Variants in ASCC1 observed in about 807,000 individuals in gnomAD.
ASCC1 encodes ASC-1 complex subunit P50.
Under a neutral mutation model 46.6 loss-of-function variants are expected in ASCC1, and 35 were observed. The observed-to-expected ratio is 0.75, with a 90% CI of 0.57 to 0.99. The LOEUF is 0.99. ASCC1 is among the 50% of genes least tolerant of loss of function. The probability of loss-of-function intolerance (pLI) is 0.00; values close to 1 mark genes in which losing one functional copy is unlikely to be tolerated. For missense variants in ASCC1, 376 were observed against 428.7 expected (o/e 0.88, Z 1.09); for synonymous variants, 143 against 146.6 (o/e 0.98, Z 0.18).
At chr10:72,102,388 CTCTGAGAA>C in intron 9 of ASCC1, 1 of 1,550,012 alleles carries the variant, frequency 6.5e-7, no homozygotes, top group Non-Finnish European at 8.7e-7. Flanking sequence ...TCCTGGTAGG[CTCTGAGAA>C]TATGCATCAG....
At chr10:72,167,157 A>C (rs1274379543) in intron 5 of ASCC1, among the ~76,000 whole-genome samples, 1 of 152,206 alleles carries the variant, frequency 6.6e-6, no homozygotes, top group Non-Finnish European at 1.5e-5. Context: ...TGTACATGAA[A>C]TCTCACAGCA....
intron 5 of ASCC1, among the ~76,000 whole-genome samples, chr10:72,177,545 A>G (rs368903160): frequency 1.8e-4 from 27 of 152,340 alleles, no homozygotes; most frequent in African/African-American, 5.5e-4. Context: ...TTCTGCAGCT[A>G]TAACTGATTC....
intron 7 of ASCC1, among the ~76,000 whole-genome samples, chr10:72,147,398 A>G (rs1216527257): frequency 6.6e-6 from 1 of 152,036 alleles, no homozygotes; most frequent in East Asian, 1.9e-4. Flanking sequence ...CGTTACAGGC[A>G]TGAGCCACCA....
chr10:72,147,115 T>C (rs1847724432), intron 7 of ASCC1, among the ~76,000 whole-genome samples: 1 of 150,752 alleles, frequency 6.6e-6, no homozygotes, highest in African/African-American at 2.4e-5. Context: ...TACAAATCTT[T>C]TTGAAATAAT....
Position 72,097,619 on chromosome 10 carries a change from G to T in ASCC1, c.958-169C>A, listed in dbSNP as rs111284470. Among the ~76,000 whole-genome samples the T allele has an allele frequency of 4.0e-3, 612 of 152,280 alleles. 10 individuals carry two copies. Among genetic ancestry groups the T allele is most frequent in the African/African-American group, 0.013 (546 of 41,544 alleles). On this transcript the variant is annotated intron_variant, in intron 9 of 9. Coordinates refer to ENST00000672957, the MANE Select transcript of ASCC1 (RefSeq NM_001198800.3). Reference sequence around the variant, plus strand: ...AATGATCCAGGAGAGGAGGGATGGGGGTGGGAGTGAGAAAAGAACAGCCAG... The same window carrying T: ...AATGATCCAGGAGAGGAGGGATGGGTGTGGGAGTGAGAAAAGAACAGCCAG...
In ASCC1 at chr10:72,205,614, G is replaced by A. The variant is rs1857092949; in HGVS notation, c.213-2090C>T. ...CACTGCACTCCAGCCTGGGTGACAA[G>A]AGTGAAACTCCATCTCAAAAAAAAA... On this transcript the variant is annotated intron_variant, in intron 3 of 9. Coordinates refer to ENST00000672957, the MANE Select transcript of ASCC1 (RefSeq NM_001198800.3). Among the ~76,000 whole-genome samples the A allele has an allele frequency of 2.2e-5, 3 of 136,772 alleles. No individual in the cohort carries two copies. The South Asian group carries it at 7.2e-4, about 33-fold the overall frequency. 89.7% of individuals were successfully genotyped at this position (136,772 alleles called of 152,430 possible). A position where few individuals can be genotyped will look rare whatever the true frequency, so the allele number is the denominator to read the frequency against.
intron 9 of ASCC1, among the ~76,000 whole-genome samples, chr10:72,122,765 G>T (rs549553935): frequency 1.3e-5 from 2 of 151,194 alleles, no homozygotes; most frequent in Non-Finnish European, 3.0e-5. Context: ...GTGACAGAGC[G>T]ATGAGGCCCT....
intron 9 of ASCC1, among the ~76,000 whole-genome samples, chr10:72,110,940 C>T (rs1045333057): frequency 2.6e-5 from 4 of 152,074 alleles, no homozygotes; most frequent in African/African-American, 9.7e-5. Context: ...AAGTTATTTT[C>T]AACTAAGTTA....
rs955156081 is a variant in ASCC1 at position 72,210,617 on chromosome 10, A to G, written c.212+115T>C. 10 of 794,384 alleles carry G rather than the reference A, an allele frequency of 1.3e-5. No homozygotes were observed. In the East Asian group the frequency reaches 1.6e-4, roughly 13 times the overall value. The allele number at this position is 794,384 out of a possible 1,614,324, so 49.2% of individuals were successfully genotyped here. A position where few individuals can be genotyped will look rare whatever the true frequency, so the allele number is the denominator to read the frequency against. ...TTGACATTTCAGGACATAACACTAC[A>G]CTATTTTATCATTAGTAATCAAGCA... On this transcript the variant is annotated intron_variant, in intron 3 of 9. Coordinates refer to ENST00000672957, the MANE Select transcript of ASCC1 (RefSeq NM_001198800.3).
chr10:72,181,675 G>A (rs1360817755), intron 5 of ASCC1, among the ~76,000 whole-genome samples: 3 of 151,416 alleles, frequency 2.0e-5, no homozygotes, highest in African/African-American at 7.3e-5. Context: ...TCAGTAACTT[G>A]TGCACCAATA....
chr10:72,136,705 G>A (rs1846261224), intron 7 of ASCC1, among the ~76,000 whole-genome samples: 1 of 152,174 alleles, frequency 6.6e-6, no homozygotes, highest in African/African-American at 2.4e-5. Context: ...CAATCTTGCT[G>A]CTGCTCACTC....
In ASCC1 at chr10:72,213,270, C is replaced by T. The variant is rs1434573042; in HGVS notation, c.29G>A (p.Arg10Lys). The T allele has an allele frequency of 5.0e-6, 8 of 1,613,890 alleles. No homozygotes were observed. The highest frequency in any genetic ancestry group is 1.1e-5 in the South Asian group (1 of 91,076). ...CTTCCTGTAATTCCGGCCATCAATT[C>T]TTATAAGCTGTGGACGCAGAACTTC... is the stretch of plus-strand genomic sequence containing the variant. MEVLRPQLI[R>K]IDGRNYRKNP... The change falls in exon 2 of 10, where the codon AGA becomes AAA. Residue 10 changes from arginine to lysine, a missense_variant. Arg to Lys is a conservative substitution (Grantham distance 26, BLOSUM62 2). Transcript: ENST00000672957.
chr10:72,128,021 TTTCCTGCC>T lies in ASCC1; in HGVS notation c.957+53_957+60del. 2.3e-6 allele frequency: 3 copies of T among 1,292,534 alleles called. No homozygotes were observed. The South Asian group carries it at 3.5e-5, about 15-fold the overall frequency. The allele number at this position is 1,292,534 out of a possible 1,614,324, so 80.1% of individuals were successfully genotyped here. On this transcript the variant is annotated intron_variant, in intron 9 of 9. Coordinates refer to ENST00000672957, the MANE Select transcript of ASCC1 (RefSeq NM_001198800.3). ...AAGAAATATACGGAGAACTACTTGT[TTTCCTGCC>T]TTATTTAGGACATGTGCCAAAGGAT...
rs764171656 is a variant in ASCC1, at chr10:72,152,971, T to A, written c.644A>T (p.Lys215Ile). 1.9e-6 allele frequency: 3 copies of A among 1,614,072 alleles called. No individual in the cohort carries two copies. Among genetic ancestry groups the A allele is most frequent in the Admixed American group, 1.7e-5 (1 of 60,030 alleles). The part of the protein sequence containing the change: ...EEFINDISGG[K>I]PLEVEMAGIE... ...CCCTGCCATCTCCACTTCTAGGGGT[T>A]TACCCCCAGAAATATCACTGCAAAG... The change falls in exon 7 of 10, where the codon AAA becomes ATA. Residue 215 changes from lysine to isoleucine, a missense_variant. Coordinates refer to ENST00000672957, the MANE Select transcript of ASCC1 (RefSeq NM_001198800.3).
At chr10:72,194,209 C>A (rs184008428) in intron 5 of ASCC1, among the ~76,000 whole-genome samples, 1 of 151,698 alleles carries the variant, frequency 6.6e-6, no homozygotes, top group Admixed American at 6.6e-5. Context: ...ATATGATGCT[C>A]CTACAAATAA....
chr10:72,118,596 A>T (rs1843779929), intron 9 of ASCC1, among the ~76,000 whole-genome samples: 1 of 151,830 alleles, frequency 6.6e-6, no homozygotes, highest in Non-Finnish European at 1.5e-5. Flanking sequence ...CCTGACCAAC[A>T]TGGTGAAACC....
intron 9 of ASCC1, among the ~76,000 whole-genome samples, chr10:72,111,719 G>A (rs1842939013): frequency 6.6e-6 from 1 of 151,908 alleles, no homozygotes; most frequent in Non-Finnish European, 1.5e-5. Flanking sequence ...TTGGCTCACT[G>A]CAAGCTCCAC....
At chr10:72,158,843 A>T (rs759973567) in intron 6 of ASCC1, 1 of 152,204 alleles carries the variant, frequency 6.6e-6, no homozygotes, top group Non-Finnish European at 1.5e-5. Flanking sequence ...TTCAGGTTAG[A>T]AATGCCATTA....
At chr10:72,124,662 T>C (rs191687216) in intron 9 of ASCC1, among the ~76,000 whole-genome samples, 1 of 152,222 alleles carries the variant, frequency 6.6e-6, no homozygotes, top group East Asian at 1.9e-4. Context: ...AGTGTGTCTT[T>C]AGGTCAGCAT....
Sources: gnomAD v4.1 joint callset for allele counts (sites outside exome capture counted in the v4.1 genomes callset) on GRCh38, gnomAD v4.1.1 for gene constraint, MANE v1.5 for transcripts, NCBI Gene and HGNC (gene_info 2026-07-23, HGNC 2026-07-21) for gene names.